Variants in KHDRBS2 observed in about 807,000 individuals in gnomAD.
KHDRBS2 encodes KH domain-containing, RNA-binding, signal transduction-associated protein 2.
A neutral mutation model predicts 44.3 loss-of-function variants in KHDRBS2; 26 were observed. The observed-to-expected ratio is 0.59, with a 90% CI of 0.43 to 0.81. The LOEUF is 0.81. Among genes scored for constraint, KHDRBS2 ranks in the 40% least tolerant of loss-of-function variants. KHDRBS2 has a pLI of 0.00. For missense variants in KHDRBS2, 476 were observed against 433.1 expected (o/e 1.10, Z -0.88); for synonymous variants, 194 against 151.1 (o/e 1.28, Z -2.08).
At chr6:62,130,217 C>G (rs1474495970) in intron 2 of KHDRBS2, among the ~76,000 whole-genome samples, 4 of 152,014 alleles carry the variant, frequency 2.6e-5, no homozygotes, top group African/African-American at 9.7e-5. Flanking sequence ...TAGAATCATC[C>G]CCTTTAATGA....
intron 1 of KHDRBS2, among the ~76,000 whole-genome samples, chr6:62,266,166 T>C (rs1339497387): frequency 6.6e-6 from 1 of 152,080 alleles, no homozygotes; most frequent in Admixed American, 6.6e-5. Context: ...TTATCTGTAT[T>C]ACACAGCCAA....
intron 7 of KHDRBS2, among the ~76,000 whole-genome samples, chr6:61,712,812 C>A (rs1319124543): frequency 6.6e-6 from 1 of 151,704 alleles, no homozygotes; most frequent in Non-Finnish European, 1.5e-5. Context: ...TTGTGCCCCC[C>A]ACCTAGCCTT....
intron 6 of KHDRBS2, among the ~76,000 whole-genome samples, chr6:61,887,620 TGGTCAGAAATTTAATGCTGA>T (rs1488191260): frequency 6.6e-6 from 1 of 152,140 alleles, no homozygotes; most frequent in Non-Finnish European, 1.5e-5. Flanking sequence ...ACATTCCATG[TGGTCAGAAATTTAATGCTGA>T]GGCTCAGCAG....
At chr6:61,769,314 A>G (rs1418544366) in intron 6 of KHDRBS2, among the ~76,000 whole-genome samples, 2 of 152,096 alleles carry the variant, frequency 1.3e-5, no homozygotes, top group Non-Finnish European at 2.9e-5. Flanking sequence ...GACAGTAGGT[A>G]CAGGACAGTG....
the KHDRBS2 span, among the ~76,000 whole-genome samples, chr6:61,616,470 C>CATATATAT: frequency 2.9e-4 from 42 of 145,092 alleles, no homozygotes; most frequent in Admixed American, 8.3e-4. Flanking sequence ...AAAGAATATA[C>CATATATAT]ATATATATAT....
chr6:61,963,995 C>T lies in KHDRBS2; in HGVS notation c.483+14071G>A, dbSNP rs548310035. On this transcript the variant is annotated intron_variant, in intron 4 of 8. Transcript: ENST00000281156. The stretch of plus-strand genomic sequence containing the variant: ...TCTCATCTTGTTCCCAAAGGAATGA[C>T]CAGTTTTAATTCTGTTTTCCAGTTG... 1.6e-3 allele frequency among the ~76,000 whole-genome samples: 241 copies of T among 152,034 alleles called. 8 individuals carry two copies. The South Asian group carries it at 0.046, about 29-fold the overall frequency.
intron 6 of KHDRBS2, among the ~76,000 whole-genome samples, chr6:61,887,565 T>C (rs930618946): frequency 6.6e-6 from 1 of 152,190 alleles, no homozygotes; most frequent in African/African-American, 2.4e-5. Context: ...CAGTAAGCTG[T>C]TTCTTGTCAG....
At chr6:61,890,151 T>A (rs1801599409) in intron 6 of KHDRBS2, among the ~76,000 whole-genome samples, 2 of 152,192 alleles carry the variant, frequency 1.3e-5, no homozygotes, top group Non-Finnish European at 2.9e-5. Flanking sequence ...TTGGTTTGAT[T>A]TGTTCACAGA....
chr6:61,836,511 A>G (rs1792699978), intron 6 of KHDRBS2, among the ~76,000 whole-genome samples: 1 of 152,032 alleles, frequency 6.6e-6, no homozygotes, highest in Non-Finnish European at 1.5e-5. Context: ...ATTAGGTGGG[A>G]CACATTTTTA....
chr6:61,600,960 T>G, the KHDRBS2 span, among the ~76,000 whole-genome samples: 1 of 152,304 alleles, frequency 6.6e-6, no homozygotes, highest in African/African-American at 2.4e-5. Context: ...GCGCCAGTCA[T>G]GGACTCGGGA....
At chr6:62,200,671 G>C (rs1826771699) in intron 1 of KHDRBS2, among the ~76,000 whole-genome samples, 1 of 152,208 alleles carries the variant, frequency 6.6e-6, no homozygotes, top group African/African-American at 2.4e-5. Flanking sequence ...GTGGAAGTCA[G>C]TGTGGTGATT....
the KHDRBS2 span, among the ~76,000 whole-genome samples, chr6:61,566,813 A>G: frequency 2.6e-5 from 4 of 152,298 alleles, no homozygotes; most frequent in Non-Finnish European, 5.9e-5. Context: ...GCTGACACTC[A>G]CTTCTTAGAG....
At chr6:62,032,216 T>C (rs536738643) in intron 3 of KHDRBS2, among the ~76,000 whole-genome samples, 1 of 152,060 alleles carries the variant, frequency 6.6e-6, no homozygotes, top group African/African-American at 2.4e-5. Context: ...GTTAGGGTGC[T>C]GCCAAAGGAG....
the KHDRBS2 span, among the ~76,000 whole-genome samples, chr6:61,637,765 T>G: frequency 6.6e-6 from 1 of 152,158 alleles, no homozygotes; most frequent in Non-Finnish European, 1.5e-5. Flanking sequence ...GGTTTTGATT[T>G]GCATTTCTCT....
chr6:62,075,641 G>A (rs1370463605), intron 2 of KHDRBS2, among the ~76,000 whole-genome samples: 1 of 151,826 alleles, frequency 6.6e-6, no homozygotes, highest in Non-Finnish European at 1.5e-5. Context: ...TTTTCCTCCT[G>A]CTTTCTTTGT....
intron 7 of KHDRBS2, among the ~76,000 whole-genome samples, chr6:61,697,641 T>C (rs982494967): frequency 1.3e-5 from 2 of 152,146 alleles, no homozygotes; most frequent in African/African-American, 4.8e-5. Flanking sequence ...GAAATATGCA[T>C]CATTTTTTCA....
At chr6:62,099,646 T>A (rs1307852736) in intron 2 of KHDRBS2, among the ~76,000 whole-genome samples, 1 of 152,166 alleles carries the variant, frequency 6.6e-6, no homozygotes, top group Admixed American at 6.5e-5. Context: ...CAAGGTAACA[T>A]CTTGTGTCCA....
intron 4 of KHDRBS2, among the ~76,000 whole-genome samples, chr6:61,912,704 A>G (rs1459530038): frequency 6.6e-6 from 1 of 152,152 alleles, no homozygotes. Context: ...TCTCTGCAAG[A>G]GCACTACAGT....
At chr6:61,594,486 A>G in the KHDRBS2 span, among the ~76,000 whole-genome samples, 1 of 152,098 alleles carries the variant, frequency 6.6e-6, no homozygotes, top group East Asian at 1.9e-4. Flanking sequence ...ATTTGCAAAA[A>G]GTTTTTAGGA....
Sources: gnomAD v4.1 joint callset for allele counts (sites outside exome capture counted in the v4.1 genomes callset) on GRCh38, gnomAD v4.1.1 for gene constraint, MANE v1.5 for transcripts, NCBI Gene and HGNC (gene_info 2026-07-23, HGNC 2026-07-21) for gene names.